PITPNM3: variants seen among roughly 807,000 people sequenced by gnomAD.
The protein encoded by PITPNM3 is PITPNM family member 3.
A neutral mutation model predicts 102.0 loss-of-function variants in PITPNM3; 26 were observed. The ratio of observed to expected loss-of-function variants is 0.25; its 90% CI spans 0.19 to 0.35. The LOEUF (loss-of-function observed/expected upper bound fraction) is 0.35. Among genes scored for constraint, PITPNM3 ranks in the 10% least tolerant of loss-of-function variants. PITPNM3 has a pLI of 1.00. For missense variants in PITPNM3, 1,083 were observed against 1,346.1 expected, an observed-to-expected ratio of 0.80 and a Z score of 3.06; for synonymous variants, 578 against 558.6, an observed-to-expected ratio of 1.03 and a Z score of -0.49.
At chr17:6,506,088 A>G (rs1345428292) in intron 3 of PITPNM3, among the ~76,000 whole-genome samples, 1 of 152,196 alleles carries the variant, frequency 6.6e-6, no homozygotes, top group Non-Finnish European at 1.5e-5. Context: ...AAGCCCATTT[A>G]CAGATAAGAA....
In PITPNM3 at chr17:6,478,253, G is replaced by A. The variant is rs1905438659; in HGVS notation, c.778-156C>T. Among the ~76,000 whole-genome samples, 2 of 152,266 alleles carry A rather than the reference G, an allele frequency of 1.3e-5. No individual in the cohort carries two copies. The highest frequency in any genetic ancestry group is 1.5e-5 in the Non-Finnish European group (1 of 68,048). On this transcript the variant is annotated intron_variant, in intron 7 of 19. Coordinates refer to ENST00000262483, the MANE Select transcript of PITPNM3 (RefSeq NM_031220.4). The surrounding 1 kb of genome is among the most constrained non-coding windows in gnomAD (Gnocchi z 4.4). ...ACTGGGAAGCAGTGTGCAAACTGGGGAGGGTCAGGGTTGGCGTTGGCCCAG... is the reference window on the plus strand; with the variant it reads ...ACTGGGAAGCAGTGTGCAAACTGGGAAGGGTCAGGGTTGGCGTTGGCCCAG...
intron 14 of PITPNM3, 98 bp from the exon 15 acceptor site, chr17:6,464,869 C>T: frequency 2.7e-6 from 3 of 1,121,308 alleles, no homozygotes; most frequent in Non-Finnish European, 4.1e-6. Flanking sequence ...GGCATATCAG[C>T]TTGCTGAATC....
chr17:6,543,161 G>C (rs1321485723), intron 1 of PITPNM3, among the ~76,000 whole-genome samples: 1 of 152,192 alleles, frequency 6.6e-6, no homozygotes, highest in Non-Finnish European at 1.5e-5. Context: ...GCCGCTCAGT[G>C]GGAGGGGCTG....
chr17:6,479,067 G>A (rs942825918), intron 6 of PITPNM3: 3 of 336,308 alleles, frequency 8.9e-6, no homozygotes, highest in Non-Finnish European at 1.7e-5. Context: ...GTCAGCTGAG[G>A]ACCCAGCTAG....
At position 6,451,919 on chromosome 17, in the gene PITPNM3, G is replaced by A. The variant is rs1450872008; in HGVS notation, c.*3419C>T. The A allele has an allele frequency of 1.6e-5, 2 of 125,852 alleles. No homozygotes were observed. The highest frequency in any genetic ancestry group is 3.0e-5 in the African/African-American group (1 of 33,780). The allele number at this position is 125,852 out of a possible 1,614,324, so 7.8% of individuals were successfully genotyped here. ...ATGGGATTCGGTGGGAAAGTTGGTT[G>A]TTTAAGGCGGGGTCAGGGCACCCCT... On this transcript the variant is annotated 3_prime_UTR_variant, in exon 20 of 20. Coordinates refer to ENST00000262483, the MANE Select transcript of PITPNM3 (RefSeq NM_031220.4).
intron 4 of PITPNM3, among the ~76,000 whole-genome samples, chr17:6,494,078 T>A (rs1230224522): frequency 1.3e-5 from 2 of 152,154 alleles, no homozygotes; most frequent in African/African-American, 2.4e-5. Context: ...CTAGTCCTCA[T>A]CCGGTGTCTC....
chr17:6,471,874 G>C (rs1197089020), intron 11 of PITPNM3, among the ~76,000 whole-genome samples: 2 of 152,168 alleles, frequency 1.3e-5, no homozygotes, highest in Non-Finnish European at 2.9e-5. Flanking sequence ...TTCCAGCCTA[G>C]CCGACCTATT....
Position 6,464,721 on chromosome 17 carries a change from G to A in PITPNM3, c.1941C>T (p.Gly647=). Reference sequence around the variant, plus strand: ...TGAACCGCCCCACCAGGACCTGGGGGCCATCTTCAGCAGCAATCACATCAT... The same window carrying A: ...TGAACCGCCCCACCAGGACCTGGGGACCATCTTCAGCAGCAATCACATCAT... ...RANDVIAAED[G]PQVLVGRFMY... The change falls in exon 15 of 20, where the codon GGC becomes GGT. Residue 647 remains glycine (G), a synonymous_variant. Coordinates refer to ENST00000262483, the MANE Select transcript of PITPNM3 (RefSeq NM_031220.4). The A allele has an allele frequency of 6.2e-7, 1 of 1,614,204 alleles. No homozygotes were observed. The highest frequency in any genetic ancestry group is 2.2e-5 in the East Asian group (1 of 44,884).
chr17:6,455,562 T>C lies in PITPNM3; in HGVS notation c.2701A>G (p.Met901Val), dbSNP rs1217131065. The C allele has an allele frequency of 3.1e-6, 5 of 1,602,010 alleles. No individual in the cohort carries two copies. The highest frequency in any genetic ancestry group is 1.3e-5 in the African/African-American group (1 of 74,216). The change falls in exon 20 of 20, where the codon ATG becomes GTG. Residue 901 changes from methionine to valine, a missense_variant. Physicochemically the swap from Met to Val is conservative, Grantham distance 21. Transcript: ENST00000262483. ...CCGAAGCTGCCCTTGCGCAGGATCA[T>C]GCGCGAGTTGTTCTTCTTTGGGCGT... ...RSRPKKNNSR[M>V]ILRKGSFGLH...
chr17:6,497,333 G>A (rs1906891449), intron 4 of PITPNM3, among the ~76,000 whole-genome samples: 1 of 152,194 alleles, frequency 6.6e-6, no homozygotes, highest in South Asian at 2.1e-4. Flanking sequence ...CTAGGCAGTG[G>A]GGTGCGAAGT....
chr17:6,519,181 C>CA (rs1490830877), intron 3 of PITPNM3, among the ~76,000 whole-genome samples: 1 of 72,400 alleles, frequency 1.4e-5, no homozygotes, highest in African/African-American at 5.9e-5. Context: ...ACTAAAAATA[C>CA]AAAAAATTAG....
intron 1 of PITPNM3, among the ~76,000 whole-genome samples, chr17:6,546,423 A>C (rs1910022451): frequency 6.6e-6 from 1 of 152,232 alleles, no homozygotes. Context: ...CAGATTGCAG[A>C]ACTGTCCTGA....
chr17:6,451,942 C>A lies in PITPNM3; in HGVS notation c.*3396G>T, dbSNP rs1051672175. On this transcript the variant is annotated 3_prime_UTR_variant, in exon 20 of 20. Coordinates refer to ENST00000262483, the MANE Select transcript of PITPNM3 (RefSeq NM_031220.4). The stretch of plus-strand genomic sequence containing the variant: ...TTGTTTAAGGCGGGGTCAGGGCACC[C>A]CTCCCGGGGCTGCACCTGGGCTAGG... 2.0e-5 allele frequency: 3 copies of A among 151,004 alleles called. No individual in the cohort carries two copies. Among genetic ancestry groups the A allele is most frequent in the African/African-American group, 7.3e-5 (3 of 40,968 alleles). The allele number at this position is 151,004 out of a possible 1,614,324, so 9.4% of individuals were successfully genotyped here. A position where few individuals can be genotyped will look rare whatever the true frequency, so the allele number is the denominator to read the frequency against.
chr17:6,457,175 C>T lies in PITPNM3; in HGVS notation c.2619+419G>A, dbSNP rs930476738. On this transcript the variant is annotated intron_variant, in intron 19 of 19. Transcript: ENST00000262483. This position sits in a 1 kb window ranked among gnomAD's most constrained non-coding sequence, Gnocchi z 4.7. ...CACCTCCTGACCTTGGCTTTTGCTG[C>T]TGCCTCTGTCACAAATATTCTTCTC... Among the ~76,000 whole-genome samples, 2 of 152,162 alleles carry T rather than the reference C, an allele frequency of 1.3e-5. No homozygotes were observed. The highest frequency in any genetic ancestry group is 4.8e-5 in the African/African-American group (2 of 41,438).
At chr17:6,488,756 G>A (rs1045840685) in intron 4 of PITPNM3, among the ~76,000 whole-genome samples, 1 of 152,168 alleles carries the variant, frequency 6.6e-6, no homozygotes, top group Non-Finnish European at 1.5e-5. Context: ...AGAGCAGCTG[G>A]CAGGGGGTCC....
At chr17:6,525,308 C>T in intron 3 of PITPNM3, 48 bp downstream of exon 3, 1 of 1,552,950 alleles carries the variant, frequency 6.4e-7, no homozygotes, top group Non-Finnish European at 8.9e-7. Flanking sequence ...GCCCCCCCTG[C>T]AACACACCTA....
Position 6,516,667 on chromosome 17 carries a change from A to T in PITPNM3, c.226+8689T>A, listed in dbSNP as rs1908205051. ...ACAGCCAGGTATGGCATGACCAACA[A>T]ACACCTCCACAACAAAAACCTACTC... is the stretch of plus-strand genomic sequence containing the variant. On this transcript the variant is annotated intron_variant, in intron 3 of 19. Coordinates refer to ENST00000262483, the MANE Select transcript of PITPNM3 (RefSeq NM_031220.4). Among the ~76,000 whole-genome samples, 3 of 152,114 alleles carry T rather than the reference A, an allele frequency of 2.0e-5. 1 individual carries two copies. In the South Asian group the frequency reaches 6.2e-4, roughly 32 times the overall value.
chr17:6,455,462 G>C lies in PITPNM3; in HGVS notation c.2801C>G (p.Pro934Arg). 6.2e-7 allele frequency: 1 copy of C among 1,604,490 alleles called. No individual in the cohort carries two copies. Among genetic ancestry groups the C allele is most frequent in the African/African-American group, 1.3e-5 (1 of 74,932 alleles). The part of the protein sequence containing the change: ...RRTMSVQQPD[P>R]PAANPKPERA... ...CTCGGGCTTGGGGTTGGCGGCGGGC[G>C]GGTCGGGCTGCTGCACTGACATGGT... Residue 934 changes from proline to arginine, a missense_variant, in exon 20 of 20, where the codon CCG (proline) becomes CGG (arginine). By Grantham distance (103) the Pro-to-Arg change is moderately radical. This residue lies in a region of PITPNM3 where 208 missense variants were observed against 178.2 expected (regional missense o/e 1.17). Coordinates refer to ENST00000262483, the MANE Select transcript of PITPNM3 (RefSeq NM_031220.4).
At position 6,534,894 on chromosome 17, in the gene PITPNM3, C is replaced by T. The variant is rs113073992; in HGVS notation, c.118+3093G>A. The stretch of plus-strand genomic sequence containing the variant: ...CCAGGCAGCAATGAGACTGCCATAC[C>T]CAGGGCAGCACGAAGCCCAGGAGTT... On this transcript the variant is annotated intron_variant, in intron 2 of 19. Coordinates refer to ENST00000262483, the MANE Select transcript of PITPNM3 (RefSeq NM_031220.4). Among the ~76,000 whole-genome samples the T allele has an allele frequency of 8.0e-3, 1,210 of 152,200 alleles. 13 individuals carry two copies. Among genetic ancestry groups the T allele is most frequent in the African/African-American group, 0.027 (1,131 of 41,524 alleles).
Sources: allele counts gnomAD v4.1 joint callset (sites outside exome capture counted in the v4.1 genomes callset), GRCh38; gene constraint gnomAD v4.1.1; regional missense constraint gnomAD v4.1.1; non-coding constraint Gnocchi (gnomAD v3.1); transcripts MANE v1.5; gene names NCBI Gene and HGNC (gene_info 2026-07-23, HGNC 2026-07-21).